TFB1M: variants seen among roughly 807,000 people sequenced by gnomAD.
The protein encoded by TFB1M is transcription factor B1, mitochondrial.
A neutral mutation model predicts 31.1 loss-of-function variants in TFB1M; 27 were observed. The ratio of observed to expected loss-of-function variants is 0.87; its 90% CI spans 0.64 to 1.20. The LOEUF (loss-of-function observed/expected upper bound fraction) is 1.20, where lower values mean the gene tolerates loss of function less well. Among genes scored for constraint, TFB1M ranks in the 50% most tolerant of loss-of-function variants. The probability of loss-of-function intolerance (pLI) is 0.00; values close to 1 mark genes in which losing one functional copy is unlikely to be tolerated. For synonymous variants in TFB1M, 166 were observed against 151.8 expected (o/e 1.09, Z -0.69); for missense variants, 394 against 418.7 (o/e 0.94, Z 0.51).
the TFB1M span, among the ~76,000 whole-genome samples, chr6:155,246,582 T>C: frequency 6.6e-6 from 1 of 152,172 alleles, no homozygotes; most frequent in Admixed American, 6.5e-5. Flanking sequence ...GTGATCCTCC[T>C]ATCTAGGCCT....
chr6:155,308,611 C>T (rs568425722), intron 2 of TFB1M, among the ~76,000 whole-genome samples: 1 of 152,144 alleles, frequency 6.6e-6, no homozygotes, highest in Non-Finnish European at 1.5e-5. Context: ...CAAAACTATA[C>T]TATACTAAAC....
At chr6:155,244,231 T>G in the TFB1M span, 5 of 744,354 alleles carry the variant, frequency 6.7e-6, no homozygotes, top group Non-Finnish European at 1.1e-5. Flanking sequence ...AGCCTCCTCC[T>G]AAACCACTGC....
chr6:155,305,531 A>G (rs1777681509), intron 2 of TFB1M, among the ~76,000 whole-genome samples: 1 of 54,788 alleles, frequency 1.8e-5, no homozygotes, highest in Non-Finnish European at 2.9e-5. Context: ...ATATTAAATT[A>G]TATATTTATA....
downstream of TFB1M, chr6:155,252,912 C>G (rs750463818): frequency 6.4e-7 from 1 of 1,573,470 alleles, no homozygotes; most frequent in Non-Finnish European, 8.7e-7. Context: ...GTGACAGCTT[C>G]CCTAACACTT....
intron 6 of TFB1M, among the ~76,000 whole-genome samples, chr6:155,259,486 CAT>C (rs1027229605): frequency 6.6e-6 from 1 of 152,248 alleles, no homozygotes; most frequent in African/African-American, 2.4e-5. Flanking sequence ...AATCTGCTGT[CAT>C]TTCATATGCT....
the TFB1M span, among the ~76,000 whole-genome samples, chr6:155,233,887 C>T: frequency 2.0e-5 from 3 of 152,022 alleles, no homozygotes; most frequent in East Asian, 5.8e-4. Flanking sequence ...TGCTTAATTT[C>T]AGGAGTTTGA....
the TFB1M span, chr6:155,244,018 GCT>G: frequency 6.2e-7 from 1 of 1,613,924 alleles, no homozygotes; most frequent in Admixed American, 1.7e-5. Flanking sequence ...CAGGATTTGA[GCT>G]GCCTCTTTGA....
chr6:155,252,624 G>T (rs961149870), downstream of TFB1M, among the ~76,000 whole-genome samples: 1 of 152,158 alleles, frequency 6.6e-6, no homozygotes, highest in African/African-American at 2.4e-5. Context: ...CCTTCACTCA[G>T]AAAAAAGCAA....
chr6:155,258,128 T>C, intron 6 of TFB1M, 46 bp from the exon 7 acceptor site: 1 of 1,609,780 alleles, frequency 6.2e-7, no homozygotes, highest in South Asian at 1.1e-5. Context: ...TTTACTTAAA[T>C]TCTGCAAATC....
chr6:155,240,150 G>A, the TFB1M span, among the ~76,000 whole-genome samples: 4 of 152,174 alleles, frequency 2.6e-5, no homozygotes, highest in African/African-American at 9.7e-5. Context: ...GGACTGGGTG[G>A]GCCTGTTGAG....
intron 5 of TFB1M, among the ~76,000 whole-genome samples, chr6:155,262,317 ACT>A (rs1784428858): frequency 6.6e-6 from 1 of 152,088 alleles, no homozygotes; most frequent in Admixed American, 6.6e-5. Context: ...CTTCCCACAA[ACT>A]CTGAACTATC....
chr6:155,289,720 A>G (rs1776817205), intron 4 of TFB1M, among the ~76,000 whole-genome samples: 2 of 152,238 alleles, frequency 1.3e-5, no homozygotes, highest in Admixed American at 6.5e-5. Flanking sequence ...ATATAAGAAA[A>G]TGCTGCTATA....
intron 1 of TFB1M, 105 bp downstream of exon 1, chr6:155,314,191 C>A (rs989073540): frequency 3.8e-6 from 6 of 1,559,970 alleles, no homozygotes; most frequent in Middle Eastern, 2.1e-4. Flanking sequence ...AAGCCCGTCG[C>A]ACGCCAGTGC....
chr6:155,251,856 G>T, downstream of TFB1M: 1 of 1,007,516 alleles, frequency 9.9e-7, no homozygotes, highest in Non-Finnish European at 1.5e-6. Context: ...CGTTTGGAGA[G>T]TGTTACTCTG....
chr6:155,246,694 C>T, the TFB1M span, among the ~76,000 whole-genome samples: 1 of 152,102 alleles, frequency 6.6e-6, no homozygotes, highest in Admixed American at 6.5e-5. Flanking sequence ...ATGTACTTGT[C>T]AATACATATT....
chr6:155,297,129 T>C (rs1459363531), intron 3 of TFB1M, 25 bp from the exon 4 acceptor site: 2 of 1,609,562 alleles, frequency 1.2e-6, no homozygotes, highest in Non-Finnish European at 1.7e-6. Flanking sequence ...AAAAACAACC[T>C]GAAATGATTC....
intron 1 of TFB1M, 55 bp downstream of exon 1, chr6:155,314,241 C>G: frequency 1.9e-6 from 3 of 1,603,288 alleles, no homozygotes; most frequent in Non-Finnish European, 2.6e-6. Context: ...ACCCCCCGGC[C>G]CACGCCCCCA....
chr6:155,280,521 T>C (rs1167562723), intron 5 of TFB1M, among the ~76,000 whole-genome samples: 1 of 152,156 alleles, frequency 6.6e-6, no homozygotes, highest in Non-Finnish European at 1.5e-5. Flanking sequence ...TCCCCTGCCC[T>C]TTCCTGCTAC....
At chr6:155,296,716 G>T (rs1163033665) in intron 4 of TFB1M, among the ~76,000 whole-genome samples, 2 of 152,126 alleles carry the variant, frequency 1.3e-5, no homozygotes, top group African/African-American at 2.4e-5. Context: ...GCATCCCTGT[G>T]TTTACCACAC....
Sources: gnomAD v4.1 joint callset for allele counts (sites outside exome capture counted in the v4.1 genomes callset) on GRCh38, gnomAD v4.1.1 for gene constraint, MANE v1.5 for transcripts, NCBI Gene and HGNC (gene_info 2026-07-23, HGNC 2026-07-21) for gene names.